AGBL4: variants seen among roughly 807,000 people sequenced by gnomAD.
The protein encoded by AGBL4 is cytosolic carboxypeptidase 6.
In AGBL4, 58 loss-of-function variants were observed where a neutral mutation model predicts 66.4. The observed-to-expected ratio is 0.87, with a 90% CI of 0.71 to 1.09. AGBL4 has a LOEUF of 1.09. Ranked by LOEUF, AGBL4 falls within the 50% of genes least tolerant of loss-of-function variation. The pLI, the probability that AGBL4 is intolerant of heterozygous loss-of-function variation, is 0.00. For missense variants in AGBL4, 579 were observed against 631.0 expected (o/e 0.92, Z 0.88); for synonymous variants, 234 against 222.9 (o/e 1.05, Z -0.44).
chr1:49,279,198 G>C (rs1255010798), intron 3 of AGBL4, among the ~76,000 whole-genome samples: 1 of 152,018 alleles, frequency 6.6e-6, no homozygotes, highest in African/African-American at 2.4e-5. Flanking sequence ...GTTCACCTAG[G>C]GTTTTACCTT....
At chr1:49,665,954 C>T (rs963984273) in intron 3 of AGBL4, among the ~76,000 whole-genome samples, 1 of 150,304 alleles carries the variant, frequency 6.7e-6, no homozygotes, top group Non-Finnish European at 1.5e-5. Flanking sequence ...CAAAGAAGTA[C>T]ACACTAAATC....
In AGBL4 at chr1:49,286,949, C is replaced by T. The variant is rs1352588711; in HGVS notation, c.283-41085G>A. 3.3e-5 allele frequency among the ~76,000 whole-genome samples: 5 copies of T among 152,214 alleles called. No homozygotes were observed. The South Asian group carries it at 8.3e-4, about 25-fold the overall frequency. On this transcript the variant is annotated intron_variant, in intron 3 of 13. Transcript: ENST00000371839. ...AACAAAGCTGGAGGCATCACGCTAC[C>T]TGACTTCAAACTATACTACAAGGCT...
chr1:49,140,977 C>T (rs531998221), intron 4 of AGBL4, among the ~76,000 whole-genome samples: 2 of 152,142 alleles, frequency 1.3e-5, no homozygotes, highest in African/African-American at 4.8e-5. Context: ...GGTGCCATTT[C>T]TTAGCATTAA....
At chr1:49,724,003 C>T (rs575704698) in intron 2 of AGBL4, among the ~76,000 whole-genome samples, 2 of 152,214 alleles carry the variant, frequency 1.3e-5, no homozygotes, top group East Asian at 1.9e-4. Flanking sequence ...TAGTTTATGT[C>T]AGTCAGTAGA....
chr1:48,720,819 G>A (rs992586734), intron 6 of AGBL4, among the ~76,000 whole-genome samples: 3 of 152,072 alleles, frequency 2.0e-5, no homozygotes, highest in African/African-American at 7.2e-5. Flanking sequence ...GAGTGTTAAG[G>A]TACAGGGAAG....
intron 1 of AGBL4, among the ~76,000 whole-genome samples, chr1:49,967,310 A>G (rs1337021900): frequency 6.6e-6 from 1 of 152,218 alleles, no homozygotes; most frequent in Non-Finnish European, 1.5e-5. Flanking sequence ...TGGCACATAT[A>G]CACCATGGAA....
chr1:49,979,164 T>C (rs1658841069), intron 1 of AGBL4, among the ~76,000 whole-genome samples: 1 of 152,162 alleles, frequency 6.6e-6, no homozygotes. Flanking sequence ...TTAAAATATA[T>C]CAAAACTTAC....
chr1:48,614,181 G>C (rs1039972598), intron 9 of AGBL4, among the ~76,000 whole-genome samples: 4 of 152,174 alleles, frequency 2.6e-5, no homozygotes, highest in Non-Finnish European at 4.4e-5. Context: ...GCTGCACACA[G>C]AACTGTTGGC....
chr1:49,791,292 T>C (rs1644592969), intron 2 of AGBL4, among the ~76,000 whole-genome samples: 1 of 152,072 alleles, frequency 6.6e-6, no homozygotes, highest in South Asian at 2.1e-4. Context: ...TAAAATGGAA[T>C]ACTAAATATA....
intron 2 of AGBL4, among the ~76,000 whole-genome samples, chr1:49,736,136 C>G (rs1649873865): frequency 6.6e-6 from 1 of 151,936 alleles, no homozygotes; most frequent in African/African-American, 2.4e-5. Context: ...GAAATACTGC[C>G]TGAAAACTTC....
At chr1:49,311,382 T>C (rs562739207) in intron 3 of AGBL4, among the ~76,000 whole-genome samples, 1 of 152,206 alleles carries the variant, frequency 6.6e-6, no homozygotes, top group Non-Finnish European at 1.5e-5. Flanking sequence ...TAATGCCATG[T>C]ACAGTTCCCA....
intron 4 of AGBL4, among the ~76,000 whole-genome samples, chr1:49,077,422 C>T (rs2147948673): frequency 6.6e-6 from 1 of 152,138 alleles, no homozygotes; most frequent in East Asian, 1.9e-4. Context: ...AATCCAATTC[C>T]ACTTACAAAA....
intron 8 of AGBL4, among the ~76,000 whole-genome samples, chr1:48,651,009 A>T (rs919802227): frequency 6.6e-6 from 1 of 152,084 alleles, no homozygotes; most frequent in African/African-American, 2.4e-5. Context: ...GGCCTAGGGG[A>T]CCTCTAAGGC....
At chr1:48,785,321 A>G (rs1002679605) in intron 6 of AGBL4, among the ~76,000 whole-genome samples, 2 of 152,290 alleles carry the variant, frequency 1.3e-5, no homozygotes, top group South Asian at 4.1e-4. Flanking sequence ...GCACATGAGA[A>G]ACCCTAAACA....
chr1:49,081,723 A>G (rs565714135), intron 4 of AGBL4, among the ~76,000 whole-genome samples: 2 of 152,126 alleles, frequency 1.3e-5, no homozygotes, highest in Non-Finnish European at 2.9e-5. Context: ...CATCCCCCAA[A>G]TGTGTTTTTC....
chr1:49,225,196 C>T (rs1649818415), intron 4 of AGBL4, among the ~76,000 whole-genome samples: 1 of 152,184 alleles, frequency 6.6e-6, no homozygotes, highest in Admixed American at 6.5e-5. Context: ...TGCACAAATC[C>T]TACCTTCAGT....
At chr1:49,272,761 C>T (rs779094777) in intron 3 of AGBL4, among the ~76,000 whole-genome samples, 59 of 152,156 alleles carry the variant, frequency 3.9e-4, no homozygotes, top group Non-Finnish European at 7.1e-4. Flanking sequence ...TATATACACA[C>T]ATGTATATGT....
At chr1:49,679,647 T>G (rs909177055) in intron 3 of AGBL4, among the ~76,000 whole-genome samples, 7 of 152,020 alleles carry the variant, frequency 4.6e-5, no homozygotes, top group Non-Finnish European at 8.8e-5. Flanking sequence ...CTCCATTTAC[T>G]TTTTCTGGGC....
At chr1:48,853,683 T>C (rs529322546) in intron 6 of AGBL4, among the ~76,000 whole-genome samples, 7 of 152,266 alleles carry the variant, frequency 4.6e-5, no homozygotes, top group Admixed American at 3.9e-4. Flanking sequence ...TACAAATCAA[T>C]TACAATGACA....
Sources: gnomAD v4.1 joint callset for allele counts (sites outside exome capture counted in the v4.1 genomes callset) on GRCh38, gnomAD v4.1.1 for gene constraint, MANE v1.5 for transcripts, NCBI Gene and HGNC (gene_info 2026-07-23, HGNC 2026-07-21) for gene names.